The following PAMR1 variants were observed in gnomAD, a reference collection of about 807,000 sequenced individuals.
The protein encoded by PAMR1 is inactive serine protease PAMR1.
A neutral mutation model predicts 81.8 loss-of-function variants in PAMR1; 88 were observed. That is an observed-to-expected ratio of 1.08 (90% CI 0.91 to 1.28). PAMR1 has a LOEUF of 1.28. PAMR1 is among the 50% of genes most tolerant of loss of function. The pLI is 0.00. For missense variants in PAMR1, 935 were observed against 919.7 expected (o/e 1.02, Z -0.21); for synonymous variants, 336 against 345.3 (o/e 0.97, Z 0.30).
chr11:35,515,977 T>C (rs1851155829), intron 1 of PAMR1, among the ~76,000 whole-genome samples: 1 of 152,192 alleles, frequency 6.6e-6, no homozygotes, highest in Non-Finnish European at 1.5e-5. Context: ...CTCAATTCCT[T>C]GTGAAACTTG....
At chr11:35,529,434 ACCT>A (rs1187591466), upstream of PAMR1, among the ~76,000 whole-genome samples, 1 of 152,076 alleles carries the variant, frequency 6.6e-6, no homozygotes, top group Non-Finnish European at 1.5e-5. Context: ...GGGCCCTCTC[ACCT>A]CCTCCTCACC....
chr11:35,435,483 C>T (rs1856020620), intron 9 of PAMR1, among the ~76,000 whole-genome samples: 1 of 152,160 alleles, frequency 6.6e-6, no homozygotes, highest in Admixed American at 6.5e-5. Flanking sequence ...GCTGAGATTA[C>T]AGGCATGAGC....
At chr11:35,449,218 C>T (rs1856359911) in intron 6 of PAMR1, among the ~76,000 whole-genome samples, 1 of 151,154 alleles carries the variant, frequency 6.6e-6, no homozygotes, top group African/African-American at 2.4e-5. Flanking sequence ...CCAGCCACCT[C>T]AGAGCCAGCA....
chr11:35,460,527 C>T (rs1426002756), intron 6 of PAMR1, among the ~76,000 whole-genome samples: 1 of 152,072 alleles, frequency 6.6e-6, no homozygotes, highest in Admixed American at 6.6e-5. Context: ...TTCCTGTGTC[C>T]AAGTGTTCTC....
intron 6 of PAMR1, chr11:35,451,954 G>T: frequency 1.5e-6 from 1 of 683,878 alleles, no homozygotes; most frequent in Non-Finnish European, 2.7e-6. Context: ...AGAAATAAAT[G>T]TTTGTTGTTT....
At chr11:35,437,701 T>G (rs1418329220) in intron 8 of PAMR1, among the ~76,000 whole-genome samples, 3 of 152,252 alleles carry the variant, frequency 2.0e-5, no homozygotes, top group African/African-American at 7.2e-5. Context: ...ACCCGGCACT[T>G]TGCCACCTAA....
At position 35,492,099 on chromosome 11, in the gene PAMR1, T is replaced by C. The variant is rs1242280554; in HGVS notation, c.325A>G (p.Lys109Glu). The change falls in exon 3 of 11, where the codon AAG (lysine) becomes GAG (glutamate). Residue 109 changes from lysine to glutamate, a missense_variant. By Grantham distance (56) the Lys-to-Glu change is moderately conservative (BLOSUM62 1). Coordinates refer to ENST00000619888, the MANE Select transcript of PAMR1 (RefSeq NM_001001991.3). ...WGGTLDDFYV[K>E]GFYCAECRAG... ...CGGCACTCTGCACAGTAGAACCCCT[T>C]CACATAGAAGTCATCCAAGGTACCC... The C allele has an allele frequency of 6.2e-7, 1 of 1,614,024 alleles. No individual in the cohort carries two copies. The highest frequency in any genetic ancestry group is 8.5e-7 in the Non-Finnish European group (1 of 1,179,976).
At chr11:35,477,258 TA>T (rs1215684186) in intron 3 of PAMR1, among the ~76,000 whole-genome samples, 1 of 152,214 alleles carries the variant, frequency 6.6e-6, no homozygotes, top group African/African-American at 2.4e-5. Context: ...ACCTGGCATA[TA>T]ACAGGTGCTC....
chr11:35,457,315 A>C (rs1473284453), intron 6 of PAMR1, among the ~76,000 whole-genome samples: 2 of 152,092 alleles, frequency 1.3e-5, no homozygotes, highest in Admixed American at 1.3e-4. Context: ...TTGAGGGGGA[A>C]TCCATCTCTG....
At chr11:35,447,369 A>G (rs576740360) in intron 6 of PAMR1, among the ~76,000 whole-genome samples, 1 of 151,750 alleles carries the variant, frequency 6.6e-6, no homozygotes, top group South Asian at 2.1e-4. Context: ...CGCCCGGCTA[A>G]TTTTTTTCTA....
intron 1 of PAMR1, among the ~76,000 whole-genome samples, chr11:35,502,592 G>T (rs1391579526): frequency 6.6e-6 from 1 of 152,090 alleles, no homozygotes; most frequent in Non-Finnish European, 1.5e-5. Context: ...ACATGATCTC[G>T]TTCCTTGTTA....
intron 6 of PAMR1, among the ~76,000 whole-genome samples, chr11:35,442,214 A>G (rs1224854698): frequency 2.6e-5 from 4 of 152,238 alleles, no homozygotes; most frequent in African/African-American, 9.6e-5. Flanking sequence ...AAATAAGTGT[A>G]TTGAAAGTTA....
chr11:35,521,036 C>T (rs1851265790), intron 1 of PAMR1, among the ~76,000 whole-genome samples: 1 of 152,200 alleles, frequency 6.6e-6, no homozygotes, highest in African/African-American at 2.4e-5. Context: ...GACTTACGCG[C>T]TCTAGGTCAC....
intron 6 of PAMR1, among the ~76,000 whole-genome samples, chr11:35,451,666 G>T (rs1364927139): frequency 6.6e-6 from 1 of 152,184 alleles, no homozygotes; most frequent in African/African-American, 2.4e-5. Flanking sequence ...AAGGTACAAT[G>T]TACTGAATGT....
At chr11:35,454,339 C>A (rs1450979585) in intron 6 of PAMR1, among the ~76,000 whole-genome samples, 2 of 152,188 alleles carry the variant, frequency 1.3e-5, no homozygotes, top group Non-Finnish European at 2.9e-5. Flanking sequence ...AGGCCCACCC[C>A]AGGGTTGCCT....
At chr11:35,498,080 T>C (rs1850760489) in intron 1 of PAMR1, among the ~76,000 whole-genome samples, 1 of 152,242 alleles carries the variant, frequency 6.6e-6, no homozygotes, top group African/African-American at 2.4e-5. Flanking sequence ...TGCTCCTACC[T>C]GTGCCAAGTT....
At chr11:35,434,030 T>G (rs183939733) in intron 10 of PAMR1, among the ~76,000 whole-genome samples, 1 of 152,308 alleles carries the variant, frequency 6.6e-6, no homozygotes, top group African/African-American at 2.4e-5. Flanking sequence ...GTGATTAACC[T>G]TTTTTTATTC....
chr11:35,524,563 G>T (rs1179668141), intron 1 of PAMR1, among the ~76,000 whole-genome samples: 1 of 152,184 alleles, frequency 6.6e-6, no homozygotes, highest in Non-Finnish European at 1.5e-5. Context: ...AACCAGCACA[G>T]AAGGGAAGCA....
At chr11:35,486,567 C>T (rs1190301492) in intron 3 of PAMR1, among the ~76,000 whole-genome samples, 1 of 152,200 alleles carries the variant, frequency 6.6e-6, no homozygotes, top group Non-Finnish European at 1.5e-5. Context: ...TGAGCCAGTT[C>T]TGCTGTCCTT....
Sources: gnomAD v4.1 joint callset for allele counts (sites outside exome capture counted in the v4.1 genomes callset) on GRCh38, gnomAD v4.1.1 for gene constraint, MANE v1.5 for transcripts, NCBI Gene and HGNC (gene_info 2026-07-23, HGNC 2026-07-21) for gene names.